The following CYP24A1 variants were observed in gnomAD, a reference collection of about 807,000 sequenced individuals.
The protein encoded by CYP24A1 is 1,25-dihydroxyvitamin D(3) 24-hydroxylase, mitochondrial.
In CYP24A1, 68 loss-of-function variants were observed where a neutral mutation model predicts 62.4. The observed-to-expected ratio is 1.09, with a 90% CI of 0.90 to 1.33. CYP24A1 has a LOEUF of 1.33. Ranked by LOEUF, CYP24A1 falls within the 40% of genes most tolerant of loss-of-function variation. CYP24A1 has a pLI of 0.00. For missense variants in CYP24A1, 787 were observed against 653.0 expected, an observed-to-expected ratio of 1.21 and a Z score of -2.24; for synonymous variants, 267 against 253.0, an observed-to-expected ratio of 1.06 and a Z score of -0.52.
intron 11 of CYP24A1, 79 bp downstream of exon 11, chr20:54,157,090 C>T (rs1470799588): frequency 2.6e-6 from 2 of 758,178 alleles, no homozygotes; most frequent in East Asian, 2.7e-5. Context: ...AAACCCCAGT[C>T]TGGCTGACTT....
chr20:54,143,800 T>G, the CYP24A1 span, among the ~76,000 whole-genome samples: 10 of 151,800 alleles, frequency 6.6e-5, no homozygotes, highest in African/African-American at 2.4e-4. Flanking sequence ...TTGAAAAAAC[T>G]AAAAACAGGC....
intron 6 of CYP24A1, 114 bp from the exon 7 acceptor site, chr20:54,162,976 G>A (rs2146482024): frequency 4.0e-6 from 3 of 747,258 alleles, no homozygotes; most frequent in Middle Eastern, 7.2e-4. Context: ...GTCTTTTCAG[G>A]AACACTGACA....
the CYP24A1 span, among the ~76,000 whole-genome samples, chr20:54,144,287 T>G: frequency 6.6e-6 from 1 of 151,820 alleles, no homozygotes; most frequent in African/African-American, 2.4e-5. Flanking sequence ...CACAGCTCAC[T>G]GTAGCCTCAA....
chr20:54,168,894 T>TTCCTTC (rs2092683960), intron 4 of CYP24A1, among the ~76,000 whole-genome samples: 1 of 89,374 alleles, frequency 1.1e-5, no homozygotes, highest in African/African-American at 3.9e-5. Context: ...TTCCTTCCTT[T>TTCCTTC]CTCTGTCTCT....
intron 2 of CYP24A1, among the ~76,000 whole-genome samples, chr20:54,172,558 G>C (rs2092697489): frequency 6.6e-6 from 1 of 152,208 alleles, no homozygotes; most frequent in South Asian, 2.1e-4. Flanking sequence ...AATTTTGTTT[G>C]TATAAGATGT....
the CYP24A1 span, among the ~76,000 whole-genome samples, chr20:54,144,117 C>G: frequency 3.9e-5 from 6 of 152,284 alleles, 1 homozygote; most frequent in South Asian, 1.2e-3. Flanking sequence ...CACATGGCGG[C>G]CCCATGCTTA....
At position 54,173,387 on chromosome 20, in the gene CYP24A1, G is replaced by A. The variant is rs746211356; in HGVS notation, c.193C>T (p.Pro65Ser). 3.8e-6 allele frequency: 6 copies of A among 1,591,956 alleles called. No individual in the cohort carries two copies. In the South Asian group the frequency reaches 6.8e-5, roughly 18 times the overall value. ...AAALPGPTSWPLLGSLLQILW... is the reference protein window; with the variant it reads ...AAALPGPTSWSLLGSLLQILW... ...ATCTGCAGCAGGCTGCCCAGCAGTG[G>A]CCAGCTGGTGGGGCCCGGCAGGGCG... Residue 65 changes from proline to serine, a missense_variant, in exon 1 of 12, where the codon CCA becomes TCA. By Grantham distance (74) the Pro-to-Ser change is moderately conservative. Transcript: ENST00000216862. The surrounding 1 kb of genome is among the most constrained non-coding windows in gnomAD (Gnocchi z 7.2).
At chr20:54,157,345 A>G in intron 10 of CYP24A1, 43 bp downstream of exon 10, 1 of 1,491,732 alleles carries the variant, frequency 6.7e-7, no homozygotes, top group South Asian at 1.1e-5. Context: ...CTGCCTTGTG[A>G]AACAGCACAG....
chr20:54,157,581 A>C lies in CYP24A1; in HGVS notation c.1241T>G (p.Val414Gly). 1 of 1,545,576 alleles carries C rather than the reference A, an allele frequency of 6.5e-7. No homozygotes were observed. The highest frequency in any genetic ancestry group is 8.9e-7 in the Non-Finnish European group (1 of 1,117,832). The change falls in exon 10 of 12, where the codon GTG becomes GGG. Residue 414 changes from valine (V) to glycine (G), a missense_variant. Physicochemically the swap from Val to Gly is moderately radical, Grantham distance 109 (BLOSUM62 -3). Coordinates refer to ENST00000216862, the MANE Select transcript of CYP24A1 (RefSeq NM_000782.5). ...LGEYALPKGT[V>G]LMLNTQVLGS... ...CAACACCTGGGTATTTAGCATGAGCACTGTCTAAACACATGCAGAGACACA... is the reference window on the plus strand; with the variant it reads ...CAACACCTGGGTATTTAGCATGAGCCCTGTCTAAACACATGCAGAGACACA...
At chr20:54,157,022 T>C (rs1601123597) in intron 11 of CYP24A1, 147 bp downstream of exon 11, 1 of 611,266 alleles carries the variant, frequency 1.6e-6, no homozygotes, top group Admixed American at 2.9e-5. Flanking sequence ...AAAAAGGAAG[T>C]AGAGAGTTTA....
Position 54,173,095 on chromosome 20 carries a change from T to C in CYP24A1, c.263A>G (p.Glu88Gly). ...GLKKQHDTLV[E>G]YHKKYGKIFR... ...AATCTTGCCATACTTCTTGTGGTACTCCACCTGCAGCCGGCCGGGCACAGC... is the reference window on the plus strand; with the variant it reads ...AATCTTGCCATACTTCTTGTGGTACCCCACCTGCAGCCGGCCGGGCACAGC... The change falls in exon 2 of 12, where the codon GAG becomes GGG. Residue 88 changes from glutamate to glycine, a missense_variant. By Grantham distance (98) the Glu-to-Gly change is moderately conservative. Transcript: ENST00000216862. This position sits in a 1 kb window ranked among gnomAD's most constrained non-coding sequence, Gnocchi z 7.2. 6.2e-7 allele frequency: 1 copy of C among 1,602,662 alleles called. No homozygotes were observed. Among genetic ancestry groups the C allele is most frequent in the Non-Finnish European group, 8.5e-7 (1 of 1,179,912 alleles).
chr20:54,157,374 G>A lies in CYP24A1; in HGVS notation c.1434+14C>T, dbSNP rs1601124516. ...AGCACAGAACATAATTGCAGAAACC[G>A]GTAAAGGTTTTACCCAACAAAGAGC... On this transcript the variant is annotated intron_variant, in intron 10 of 11. Transcript: ENST00000216862. The A allele has an allele frequency of 3.9e-6, 6 of 1,546,388 alleles. No individual in the cohort carries two copies. The highest frequency in any genetic ancestry group is 3.3e-5 in the South Asian group (3 of 89,758).
intron 7 of CYP24A1, among the ~76,000 whole-genome samples, chr20:54,162,323 T>A (rs2092654239): frequency 6.7e-6 from 1 of 148,530 alleles, no homozygotes; most frequent in African/African-American, 2.6e-5. Flanking sequence ...ACTTCCAATT[T>A]TGAAAAATCT....
chr20:54,165,690 CG>C, intron 5 of CYP24A1, 51 bp downstream of exon 5: 1 of 922,808 alleles, frequency 1.1e-6, no homozygotes, highest in Non-Finnish European at 1.8e-6. Flanking sequence ...CTGTAAAAAT[CG>C]ATCTGTAAAA....
the CYP24A1 span, among the ~76,000 whole-genome samples, chr20:54,145,877 A>C: frequency 5.3e-5 from 8 of 152,238 alleles, no homozygotes; most frequent in Admixed American, 5.2e-4. Flanking sequence ...AATATCATTC[A>C]CGTATTATTT....
rs140851407 is a variant in CYP24A1, at chr20:54,173,507, G to A, written c.73C>T (p.Pro25Ser). 2 of 1,569,692 alleles carry A rather than the reference G, an allele frequency of 1.3e-6. No individual in the cohort carries two copies. Among genetic ancestry groups the A allele is most frequent in the South Asian group, 1.2e-5 (1 of 85,944 alleles). Reference protein sequence around the residue: ...LQQLRSPRQPPRLVTSTAYTS... With the variant: ...LQQLRSPRQPSRLVTSTAYTS... ...TACGCCGTAGATGTCACCAGTCTCG[G>A]GGGCTGCCTCGGACTGCGCAGCTGC... The change falls in exon 1 of 12, where the codon CCG becomes TCG. Residue 25 changes from proline (P) to serine (S), a missense_variant. By Grantham distance (74) the Pro-to-Ser change is moderately conservative. Coordinates refer to ENST00000216862, the MANE Select transcript of CYP24A1 (RefSeq NM_000782.5). This position sits in a 1 kb window ranked among gnomAD's most constrained non-coding sequence, Gnocchi z 7.2.
chr20:54,157,120 C>A, intron 11 of CYP24A1, 49 bp downstream of exon 11: 2 of 905,310 alleles, frequency 2.2e-6, no homozygotes, highest in Non-Finnish European at 3.6e-6. Context: ...GCTCATCCCT[C>A]GTCATTCTCA....
At chr20:54,145,199 C>T in the CYP24A1 span, among the ~76,000 whole-genome samples, 3 of 151,266 alleles carry the variant, frequency 2.0e-5, no homozygotes, top group Non-Finnish European at 2.9e-5. Flanking sequence ...CCAGGTCACT[C>T]GCTAGTGAAC....
chr20:54,173,430 G>T lies in CYP24A1; in HGVS notation c.150C>A (p.Gly50=). The T allele has an allele frequency of 6.4e-7, 1 of 1,569,650 alleles. No homozygotes were observed. Among genetic ancestry groups the T allele is most frequent in the Non-Finnish European group, 8.6e-7 (1 of 1,156,506 alleles). ...EVPVCPLTAG[G]ETQNAAALPG... ...GCAGGGCGGCCGCGTTCTGAGTCTC[G>T]CCACCAGCTGTCAGCGGGCAGACTG... Residue 50 remains glycine, a synonymous_variant, in exon 1 of 12, where the codon GGC becomes GGA. Transcript: ENST00000216862. The surrounding 1 kb of genome is among the most constrained non-coding windows in gnomAD (Gnocchi z 7.2).
Sources: gnomAD v4.1 joint callset for allele counts (sites outside exome capture counted in the v4.1 genomes callset) on GRCh38, gnomAD v4.1.1 for gene constraint, Gnocchi (gnomAD v3.1) non-coding constraint, MANE v1.5 for transcripts, NCBI Gene and HGNC (gene_info 2026-07-23, HGNC 2026-07-21) for gene names.